Variants in NRG1 observed in about 807,000 individuals in gnomAD.
NRG1 encodes neuregulin 1.
In NRG1, 18 loss-of-function variants were observed where a neutral mutation model predicts 63.8. The ratio of observed to expected loss-of-function variants is 0.28; its 90% CI spans 0.19 to 0.42. The LOEUF is 0.42. Ranked by LOEUF, NRG1 falls within the 10% of genes least tolerant of loss-of-function variation. The pLI, the probability that NRG1 is intolerant of heterozygous loss-of-function variation, is 1.00. For missense variants in NRG1, 762 were observed against 814.7 expected, an observed-to-expected ratio of 0.94 and a Z score of 0.79; for synonymous variants, 302 against 301.3, an observed-to-expected ratio of 1.00 and a Z score of -0.02.
chr8:31,860,128 C>T (rs1458834161), intron 1 of NRG1, among the ~76,000 whole-genome samples: 2 of 152,122 alleles, frequency 1.3e-5, no homozygotes, highest in African/African-American at 4.8e-5. Context: ...GAGAGAGCTT[C>T]CATATATAGG....
intron 1 of NRG1, among the ~76,000 whole-genome samples, chr8:31,946,240 T>C (rs888485185): frequency 3.3e-5 from 5 of 152,268 alleles, no homozygotes; most frequent in Non-Finnish European, 5.9e-5. Flanking sequence ...TTGCAGAAGC[T>C]ATATGTAACA....
intron 1 of NRG1, among the ~76,000 whole-genome samples, chr8:32,351,238 A>C (rs1805563670): frequency 6.6e-6 from 1 of 152,118 alleles, no homozygotes; most frequent in Admixed American, 6.6e-5. Context: ...TAATGCTATT[A>C]GAGTTGACAG....
At chr8:31,797,857 G>T (rs573135818) in intron 1 of NRG1, among the ~76,000 whole-genome samples, 84 of 152,270 alleles carry the variant, frequency 5.5e-4, no homozygotes, top group Non-Finnish European at 9.7e-4. Context: ...GCCACCAAAA[G>T]GAATGAAATT....
At chr8:31,913,187 A>C (rs886952896) in intron 1 of NRG1, among the ~76,000 whole-genome samples, 5 of 152,192 alleles carry the variant, frequency 3.3e-5, no homozygotes, top group African/African-American at 1.2e-4. Flanking sequence ...CAGACTCCAA[A>C]GCATGTACTG....
intron 1 of NRG1, among the ~76,000 whole-genome samples, chr8:31,687,583 G>A (rs1809035253): frequency 6.6e-6 from 1 of 152,188 alleles, no homozygotes; most frequent in Non-Finnish European, 1.5e-5. Context: ...AGAGTAGTGG[G>A]TGTTTATAAT....
intron 1 of NRG1, among the ~76,000 whole-genome samples, chr8:32,241,331 C>A (rs938444956): frequency 1.1e-4 from 17 of 152,166 alleles, no homozygotes; most frequent in Non-Finnish European, 2.4e-4. Context: ...CTTAAGAATT[C>A]TCTATATTTA....
chr8:32,041,761 T>A (rs1820094133), intron 1 of NRG1, among the ~76,000 whole-genome samples: 1 of 152,140 alleles, frequency 6.6e-6, no homozygotes, highest in Non-Finnish European at 1.5e-5. Flanking sequence ...GACCTACCAT[T>A]TTCTAGATAA....
intron 1 of NRG1, among the ~76,000 whole-genome samples, chr8:32,491,144 C>T (rs577089117): frequency 8.5e-5 from 13 of 152,204 alleles, no homozygotes; most frequent in African/African-American, 2.2e-4. Flanking sequence ...GAAGATGAGA[C>T]GGACCTAGCA....
intron 5 of NRG1, chr8:32,646,993 A>G (rs1246487357): frequency 3.0e-6 from 3 of 985,022 alleles, no homozygotes; most frequent in Middle Eastern, 5.2e-4. Flanking sequence ...GCCGCAGAGG[A>G]AGAAAGTGAA....
chr8:32,188,579 A>G (rs1430238561), intron 1 of NRG1, among the ~76,000 whole-genome samples: 3 of 152,180 alleles, frequency 2.0e-5, no homozygotes, highest in East Asian at 1.9e-4. Flanking sequence ...TGTGGACCCA[A>G]TGTATTCCAA....
chr8:31,669,350 G>A (rs999010052), intron 1 of NRG1, among the ~76,000 whole-genome samples: 1 of 151,704 alleles, frequency 6.6e-6, no homozygotes, highest in Non-Finnish European at 1.5e-5. Context: ...CGATTCTCCT[G>A]CCTCAGCCTC....
At chr8:31,681,085 A>T (rs1262539334) in intron 1 of NRG1, among the ~76,000 whole-genome samples, 3 of 152,138 alleles carry the variant, frequency 2.0e-5, no homozygotes, top group African/African-American at 7.2e-5. Flanking sequence ...GGTAAATGCA[A>T]TAAATGCTAC....
At chr8:31,837,809 G>A (rs2129607239) in intron 1 of NRG1, among the ~76,000 whole-genome samples, 1 of 152,116 alleles carries the variant, frequency 6.6e-6, no homozygotes, top group East Asian at 1.9e-4. Flanking sequence ...CAAATGGCAG[G>A]ATTTTATCCT....
At chr8:32,296,309 G>T (rs1854855495) in intron 1 of NRG1, among the ~76,000 whole-genome samples, 2 of 152,072 alleles carry the variant, frequency 1.3e-5, no homozygotes, top group African/African-American at 4.8e-5. Flanking sequence ...TTCCTTAATG[G>T]CCAGGTGCGG....
intron 5 of NRG1, among the ~76,000 whole-genome samples, chr8:32,691,984 T>C (rs567285349): frequency 6.6e-6 from 1 of 152,234 alleles, no homozygotes; most frequent in Non-Finnish European, 1.5e-5. Flanking sequence ...TTATTGAACA[T>C]CCACCATATA....
At chr8:32,710,290 A>G (rs1817490245) in intron 5 of NRG1, among the ~76,000 whole-genome samples, 1 of 152,158 alleles carries the variant, frequency 6.6e-6, no homozygotes, top group South Asian at 2.1e-4. Flanking sequence ...ATTTATCTGC[A>G]TCTCTTATAG....
At chr8:32,760,809 G>C in intron 11 of NRG1, 1 of 1,018,442 alleles carries the variant, frequency 9.8e-7, no homozygotes, top group African/African-American at 1.7e-5. Flanking sequence ...CTGATTCGGT[G>C]GTCGAGCTGG....
intron 1 of NRG1, among the ~76,000 whole-genome samples, chr8:31,864,310 G>GTGCA (rs1270695491): frequency 1.3e-5 from 2 of 152,180 alleles, no homozygotes; most frequent in Non-Finnish European, 2.9e-5. Flanking sequence ...TTACCTCTTA[G>GTGCA]TGCAGTAGAG....
chr8:32,548,206 G>A (rs966078852), upstream of NRG1: 4 of 982,934 alleles, frequency 4.1e-6, no homozygotes, highest in African/African-American at 5.2e-5. Context: ...AAGAGGGAGG[G>A]GGCGAGGCCA....
Sources: gnomAD v4.1 joint callset for allele counts (sites outside exome capture counted in the v4.1 genomes callset) on GRCh38, gnomAD v4.1.1 for gene constraint, MANE v1.5 for transcripts, NCBI Gene and HGNC (gene_info 2026-07-23, HGNC 2026-07-21) for gene names.